KCNG3: variants seen among roughly 807,000 people sequenced by gnomAD.
The protein encoded by KCNG3 is potassium voltage-gated channel modifier subfamily G member 3.
Under a neutral mutation model 29.0 loss-of-function variants are expected in KCNG3, and 15 were observed. The ratio of observed to expected loss-of-function variants is 0.52; its 90% confidence interval spans 0.35 to 0.80. KCNG3 has a LOEUF of 0.80. KCNG3 is among the 30% of genes least tolerant of loss of function. KCNG3 has a pLI of 0.01. For missense variants in KCNG3, 512 were observed against 605.7 expected (o/e 0.85, Z 1.62); for synonymous variants, 322 against 248.9 (o/e 1.29, Z -2.76).
chr2:42,397,315 T>A, the KCNG3 span, among the ~76,000 whole-genome samples: 1 of 151,686 alleles, frequency 6.6e-6, no homozygotes, highest in East Asian at 1.9e-4. Flanking sequence ...GTTTCTAGGA[T>A]ATACTGGCAG....
downstream of KCNG3, among the ~76,000 whole-genome samples, chr2:42,440,918 A>AT (rs759701963): frequency 5.5e-3 from 835 of 152,360 alleles, 18 homozygotes; most frequent in East Asian, 0.037. Context: ...ATTAAAGATT[A>AT]GGAGATTAGG....
the KCNG3 span, among the ~76,000 whole-genome samples, chr2:42,411,170 G>A: frequency 6.6e-6 from 1 of 151,818 alleles, no homozygotes; most frequent in East Asian, 1.9e-4. Context: ...ATGCTCAACT[G>A]TTTTCATTTT....
intron 1 of KCNG3, among the ~76,000 whole-genome samples, chr2:42,446,370 GGTT>G (rs1255784580): frequency 2.0e-5 from 3 of 149,324 alleles, no homozygotes; most frequent in African/African-American, 7.4e-5. Context: ...GTAGAGACGG[GGTT>G]TCACCATGTT....
the KCNG3 span, among the ~76,000 whole-genome samples, chr2:42,427,204 G>T: frequency 5.9e-5 from 9 of 152,144 alleles, no homozygotes; most frequent in African/African-American, 1.9e-4. Flanking sequence ...AAAATTCAAG[G>T]TATTCTGAAA....
At chr2:42,447,619 G>C (rs952434312) in intron 1 of KCNG3, among the ~76,000 whole-genome samples, 3 of 151,764 alleles carry the variant, frequency 2.0e-5, no homozygotes, top group Non-Finnish European at 2.9e-5. Context: ...AGGCTCAAGC[G>C]ATCCTCCCAC....
intron 1 of KCNG3, among the ~76,000 whole-genome samples, chr2:42,462,459 A>G (rs1390674005): frequency 6.6e-6 from 1 of 152,064 alleles, no homozygotes; most frequent in Non-Finnish European, 1.5e-5. Flanking sequence ...AGCACTTTGG[A>G]TTACTTGAGG....
At chr2:42,463,982 TG>T in intron 1 of KCNG3, 1 of 308,076 alleles carries the variant, frequency 3.2e-6, no homozygotes, top group South Asian at 2.9e-5. Flanking sequence ...TCAGCGTACG[TG>T]GGAGGCTTAA....
rs544021269 is a variant in KCNG3 at position 42,458,819 on chromosome 2, T to C, written c.666-14240A>G. Among the ~76,000 whole-genome samples the C allele has an allele frequency of 3.4e-5, 5 of 148,990 alleles. No homozygotes were observed. The East Asian group carries it at 9.8e-4, about 29-fold the overall frequency. On this transcript the variant is annotated intron_variant, in intron 1 of 1. Transcript: ENST00000306078. Reference sequence around the variant, plus strand: ...TTAAAAAAGAAAAAAAAAAGGAACCTCAGGAAGAAACAGTTTTGATATTAT... The same window carrying C: ...TTAAAAAAGAAAAAAAAAAGGAACCCCAGGAAGAAACAGTTTTGATATTAT...
At chr2:42,433,998 A>G in the KCNG3 span, among the ~76,000 whole-genome samples, 1 of 152,198 alleles carries the variant, frequency 6.6e-6, no homozygotes, top group South Asian at 2.1e-4. Flanking sequence ...TAAAGAAGAC[A>G]TAAGTGAATC....
chr2:42,396,529 A>T, the KCNG3 span, among the ~76,000 whole-genome samples: 1 of 152,206 alleles, frequency 6.6e-6, no homozygotes, highest in Non-Finnish European at 1.5e-5. Context: ...ATTCCACCAG[A>T]AGAAAAGTAG....
At chr2:42,468,373 A>T (rs1181732578) in intron 1 of KCNG3, among the ~76,000 whole-genome samples, 2 of 152,206 alleles carry the variant, frequency 1.3e-5, no homozygotes, top group Admixed American at 1.3e-4. Flanking sequence ...AAAAATCTTA[A>T]ATTGAACCAT....
chr2:42,457,483 C>A (rs912762715), intron 1 of KCNG3, among the ~76,000 whole-genome samples: 1 of 151,202 alleles, frequency 6.6e-6, no homozygotes, highest in Non-Finnish European at 1.5e-5. Context: ...GACAGAGAGA[C>A]TTTGTTTCAA....
At chr2:42,436,510 A>G in the KCNG3 span, among the ~76,000 whole-genome samples, 1 of 152,264 alleles carries the variant, frequency 6.6e-6, no homozygotes. Context: ...CACACTGCCA[A>G]TAACACTGAC....
chr2:42,434,651 A>G, the KCNG3 span, among the ~76,000 whole-genome samples: 24 of 132,204 alleles, frequency 1.8e-4, no homozygotes, highest in African/African-American at 6.8e-4. Flanking sequence ...AAGCAACAAG[A>G]GTGAAACTCC....
At chr2:42,413,219 G>A in the KCNG3 span, among the ~76,000 whole-genome samples, 6 of 152,122 alleles carry the variant, frequency 3.9e-5, no homozygotes, top group African/African-American at 1.4e-4. Flanking sequence ...TGCCCAGGCT[G>A]GTCTCAAACT....
chr2:42,449,444 G>C (rs376086921), intron 1 of KCNG3, among the ~76,000 whole-genome samples: 7 of 146,700 alleles, frequency 4.8e-5, no homozygotes, highest in African/African-American at 1.8e-4. Context: ...ATATAGCTCT[G>C]CAAAACCTAA....
chr2:42,461,777 T>C (rs1275799751), intron 1 of KCNG3, among the ~76,000 whole-genome samples: 1 of 152,256 alleles, frequency 6.6e-6, no homozygotes, highest in Non-Finnish European at 1.5e-5. Context: ...TCCCTTTTTA[T>C]TTAACTGGCA....
At chr2:42,419,893 A>G in the KCNG3 span, among the ~76,000 whole-genome samples, 1 of 152,186 alleles carries the variant, frequency 6.6e-6, no homozygotes, top group South Asian at 2.1e-4. Context: ...GTCTGTAACC[A>G]GAGATTTCCA....
chr2:42,458,535 G>C (rs962022008), intron 1 of KCNG3, among the ~76,000 whole-genome samples: 1 of 152,266 alleles, frequency 6.6e-6, no homozygotes, highest in South Asian at 2.1e-4. Flanking sequence ...GCTAAGACAG[G>C]GGCTATCCAT....
Sources: gnomAD v4.1 joint callset for allele counts (sites outside exome capture counted in the v4.1 genomes callset) on GRCh38, gnomAD v4.1.1 for gene constraint, MANE v1.5 for transcripts, NCBI Gene and HGNC (gene_info 2026-07-23, HGNC 2026-07-21) for gene names.